Variants in DLGAP2 observed in about 807,000 individuals in gnomAD.
DLGAP2 encodes the protein disks large-associated protein 2.
A neutral mutation model predicts 100.3 loss-of-function variants in DLGAP2; 26 were observed. The observed-to-expected ratio is 0.26, with a 90% CI of 0.19 to 0.36. DLGAP2 has a LOEUF of 0.36. DLGAP2 is among the 10% of genes least tolerant of loss of function. DLGAP2 has a pLI of 1.00. For missense variants in DLGAP2, 1,858 were observed against 1,453.2 expected, an observed-to-expected ratio of 1.28 and a Z score of -4.53; for synonymous variants, 886 against 630.1, an observed-to-expected ratio of 1.41 and a Z score of -6.08.
At chr8:1,650,981 C>G (rs1798148337) in intron 8 of DLGAP2, among the ~76,000 whole-genome samples, 1 of 152,184 alleles carries the variant, frequency 6.6e-6, no homozygotes, top group African/African-American at 2.4e-5. Flanking sequence ...GCTGCTGCTT[C>G]TCATGTCTGC....
In DLGAP2 at chr8:926,017, G is replaced by A. The variant is rs955527104; in HGVS notation, c.73+18051G>A. Among the ~76,000 whole-genome samples the A allele has an allele frequency of 3.3e-5, 5 of 152,254 alleles. No homozygotes were observed. In the South Asian group the frequency reaches 6.2e-4, roughly 19 times the overall value. On this transcript the variant is annotated intron_variant, in intron 2 of 14. Coordinates refer to ENST00000637795, the MANE Select transcript of DLGAP2 (RefSeq NM_001346810.2). ...TCAGTGAGTAACTCACTTGGGCTCC[G>A]GGCCGCTCGGGGGCACAGAGCAGGT...
At chr8:1,168,638 T>C (rs1461547970) in intron 2 of DLGAP2, among the ~76,000 whole-genome samples, 1 of 148,422 alleles carries the variant, frequency 6.7e-6, no homozygotes, top group South Asian at 2.2e-4. Flanking sequence ...CCAGTGATGG[T>C]GAGCATTTTT....
chr8:781,558 C>T (rs1821687916), intron 1 of DLGAP2, among the ~76,000 whole-genome samples: 1 of 152,086 alleles, frequency 6.6e-6, no homozygotes, highest in African/African-American at 2.4e-5. Flanking sequence ...TGGGGTGTTG[C>T]CCAAGTACCG....
At chr8:1,632,272 G>A (rs536426351) in intron 7 of DLGAP2, among the ~76,000 whole-genome samples, 2 of 152,350 alleles carry the variant, frequency 1.3e-5, no homozygotes, top group Admixed American at 6.5e-5. Context: ...ATATGCTGCC[G>A]TAATGGGGAT....
intron 3 of DLGAP2, among the ~76,000 whole-genome samples, chr8:1,498,898 C>T (rs1474808219): frequency 1.3e-5 from 2 of 152,196 alleles, no homozygotes; most frequent in Admixed American, 1.3e-4. Context: ...ATTAAGCTCT[C>T]CCAGCTAGAA....
intron 3 of DLGAP2, among the ~76,000 whole-genome samples, chr8:1,274,331 G>C (rs1799640122): frequency 6.6e-6 from 1 of 152,112 alleles, no homozygotes; most frequent in African/African-American, 2.4e-5. Context: ...ACTCTCATGT[G>C]AACGTGAAAA....
intron 2 of DLGAP2, among the ~76,000 whole-genome samples, chr8:1,089,560 T>C (rs1170111254): frequency 1.3e-5 from 2 of 152,188 alleles, no homozygotes; most frequent in African/African-American, 2.4e-5. Flanking sequence ...CTCCTTGCCA[T>C]GCAGGCTGAG....
intron 2 of DLGAP2, among the ~76,000 whole-genome samples, chr8:1,115,677 G>A (rs1293496666): frequency 6.6e-6 from 1 of 152,176 alleles, no homozygotes; most frequent in Non-Finnish European, 1.5e-5. Context: ...GCTGTGAAGT[G>A]TCTGTGCTGC....
chr8:912,899 C>CCG (rs1398977271), intron 2 of DLGAP2, among the ~76,000 whole-genome samples: 77 of 152,208 alleles, frequency 5.1e-4, no homozygotes, highest in African/African-American at 1.8e-3. Flanking sequence ...GATCCCCGCA[C>CCG]TGTGGTGCCC....
intron 2 of DLGAP2, among the ~76,000 whole-genome samples, chr8:1,250,055 A>G (rs376681341): frequency 1.1e-4 from 17 of 151,988 alleles, no homozygotes; most frequent in African/African-American, 2.7e-4. Flanking sequence ...TAATTTTTGT[A>G]TTTTTAGTAG....
chr8:1,001,497 T>G (rs774126421), intron 2 of DLGAP2, among the ~76,000 whole-genome samples: 1 of 152,234 alleles, frequency 6.6e-6, no homozygotes, highest in Non-Finnish European at 1.5e-5. Context: ...GAGCAAATGC[T>G]TTTGATTATA....
chr8:1,473,723 A>T (rs1798860841), intron 3 of DLGAP2, among the ~76,000 whole-genome samples: 1 of 152,154 alleles, frequency 6.6e-6, no homozygotes, highest in Non-Finnish European at 1.5e-5. Flanking sequence ...CCAGTGGGAG[A>T]TCACTGAATC....
intron 2 of DLGAP2, among the ~76,000 whole-genome samples, chr8:1,156,578 C>T (rs1178902704): frequency 1.3e-5 from 2 of 151,908 alleles, no homozygotes; most frequent in African/African-American, 2.4e-5. Flanking sequence ...CGCCCCTGCT[C>T]AGCCCCCCAG....
chr8:1,470,255 G>A (rs1053509702), intron 3 of DLGAP2, among the ~76,000 whole-genome samples: 5 of 152,062 alleles, frequency 3.3e-5, no homozygotes, highest in African/African-American at 4.8e-5. Context: ...CTACACTGTC[G>A]CCTGTGTTAA....
chr8:774,633 A>C (rs1248417582), intron 1 of DLGAP2, among the ~76,000 whole-genome samples: 1 of 151,002 alleles, frequency 6.6e-6, no homozygotes, highest in Non-Finnish European at 1.5e-5. Context: ...TGTTTTTCTC[A>C]GGTTTGTCAA....
At chr8:1,688,767 G>GGA in intron 12 of DLGAP2, among the ~76,000 whole-genome samples, 1 of 152,286 alleles carries the variant, frequency 6.6e-6, no homozygotes, top group South Asian at 2.1e-4. Flanking sequence ...AAGAACACAT[G>GGA]GTACAGATTG....
In DLGAP2 at chr8:1,694,952, C is replaced by G. The variant is rs372712191; in HGVS notation, c.2797-2195C>G. On this transcript the variant is annotated intron_variant, in intron 13 of 14. Transcript: ENST00000637795. ...ACCAAAAGAGAACAGAAGACAAAAC[C>G]AAACCCTGACCATGCCAGGCTGTGC... Among the ~76,000 whole-genome samples the G allele has an allele frequency of 8.5e-5, 13 of 152,204 alleles. No homozygotes were observed. The South Asian group carries it at 2.7e-3, about 32-fold the overall frequency.
chr8:1,143,139 A>G (rs949835366), intron 2 of DLGAP2, among the ~76,000 whole-genome samples: 3 of 152,146 alleles, frequency 2.0e-5, no homozygotes, highest in Non-Finnish European at 4.4e-5. Context: ...TCTCTCCTTT[A>G]TAAATTGGGG....
intron 6 of DLGAP2, among the ~76,000 whole-genome samples, chr8:1,595,258 C>G (rs936619532): frequency 2.6e-5 from 4 of 151,936 alleles, no homozygotes; most frequent in African/African-American, 9.7e-5. Context: ...CCAGGTTTTA[C>G]GGGCTTTTTT....
Sources: gnomAD v4.1 joint callset for allele counts (sites outside exome capture counted in the v4.1 genomes callset) on GRCh38, gnomAD v4.1.1 for gene constraint, MANE v1.5 for transcripts, NCBI Gene and HGNC (gene_info 2026-07-23, HGNC 2026-07-21) for gene names.